Variants in JPH3 observed in about 807,000 individuals in gnomAD.
JPH3 encodes the protein junctophilin 3.
JPH3 carries 11 observed loss-of-function variants against 59.6 expected under a neutral mutation model. The observed-to-expected ratio is 0.18, with a 90% confidence interval of 0.12 to 0.31. The LOEUF (loss-of-function observed/expected upper bound fraction) is 0.31. Among genes scored for constraint, JPH3 ranks in the 10% least tolerant of loss-of-function variants. The pLI is 1.00. For missense variants in JPH3, 1,202 were observed against 1,105.7 expected, an observed-to-expected ratio of 1.09 and a Z score of -1.24; for synonymous variants, 673 against 483.6, an observed-to-expected ratio of 1.39 and a Z score of -5.14.
chr16:87,653,023 G>T (rs2032374840), intron 2 of JPH3, among the ~76,000 whole-genome samples: 1 of 152,158 alleles, frequency 6.6e-6, no homozygotes. Context: ...TTGGGGCCTG[G>T]TTGCTGAGGA....
chr16:87,696,453 C>T, intron 4 of JPH3, 127 bp from the exon 5 acceptor site: 1 of 758,478 alleles, frequency 1.3e-6, no homozygotes. Flanking sequence ...GCGTTTCTAA[C>T]ATCCTCCCGT....
At chr16:87,640,130 C>A (rs1325010224) in intron 1 of JPH3, among the ~76,000 whole-genome samples, 1 of 152,054 alleles carries the variant, frequency 6.6e-6, no homozygotes. Flanking sequence ...AGATTGAGAC[C>A]ATCCTGGCCA....
intron 1 of JPH3, among the ~76,000 whole-genome samples, chr16:87,623,846 A>G (rs1339838555): frequency 6.6e-6 from 1 of 152,230 alleles, no homozygotes; most frequent in African/African-American, 2.4e-5. Context: ...CCACATGCCC[A>G]GCTGTGGGGT....
chr16:87,659,377 AAAAAAAAAAG>A lies in JPH3; in HGVS notation c.1160+14352_1160+14361del, dbSNP rs1320650492. ...GGGTGACAGAGTAAGACTGTCTCAA[AAAAAAAAAAG>A]AAAAAAAAAAAGAAAACTACACACA... is the stretch of plus-strand genomic sequence containing the variant. On this transcript the variant is annotated intron_variant, in intron 2 of 4. Transcript: ENST00000284262. 1.8e-3 allele frequency among the ~76,000 whole-genome samples: 199 copies of A among 110,920 alleles called. 15 individuals are homozygous for A. The highest frequency in any genetic ancestry group is 6.1e-3 in the African/African-American group (194 of 31,962). 72.8% of individuals were successfully genotyped at this position (110,920 alleles called of 152,430 possible).
At chr16:87,659,608 C>T (rs1278158115) in intron 2 of JPH3, among the ~76,000 whole-genome samples, 1 of 151,870 alleles carries the variant, frequency 6.6e-6, no homozygotes, top group African/African-American at 2.4e-5. Flanking sequence ...TGACAGGTGC[C>T]TGTAATCCCA....
chr16:87,681,713 G>C (rs1465645996), intron 2 of JPH3, among the ~76,000 whole-genome samples: 2 of 152,182 alleles, frequency 1.3e-5, no homozygotes, highest in African/African-American at 4.8e-5. Context: ...TGTTCCGGAA[G>C]GTCAAGTGCA....
chr16:87,614,599 C>G (rs1304672243), intron 1 of JPH3, among the ~76,000 whole-genome samples: 1 of 151,398 alleles, frequency 6.6e-6, no homozygotes, highest in African/African-American at 2.4e-5. Context: ...CTGTTCCCTC[C>G]CAGGATAAAC....
rs139986514 is a variant in JPH3, at chr16:87,683,845, A to G, written c.1161-297A>G. The G allele has an allele frequency of 2.2e-3, 726 of 335,664 alleles. 4 individuals are homozygous for G. The highest frequency in any genetic ancestry group is 0.015 in the African/African-American group (682 of 46,926). The allele number at this position is 335,664 out of a possible 1,614,324, so 20.8% of individuals were successfully genotyped here. A position where few individuals can be genotyped will look rare whatever the true frequency, so the allele number is the denominator to read the frequency against. On this transcript the variant is annotated intron_variant, in intron 2 of 4. Transcript: ENST00000284262. ...GGTCGTGAACGCCTGAGCTCAAGCG[A>G]TCTTCCTGCCTTGGCCTCCCAAAGT... is the stretch of plus-strand genomic sequence containing the variant.
intron 1 of JPH3, among the ~76,000 whole-genome samples, chr16:87,614,784 G>A (rs1307858632): frequency 1.4e-5 from 2 of 143,384 alleles, no homozygotes; most frequent in East Asian, 2.1e-4. Flanking sequence ...ACGAGGAGCC[G>A]CGTGTCCTCT....
rs756677356 is a variant in JPH3 at position 87,644,785 on chromosome 16, C to A, written c.910C>A (p.Gln304Lys). 3.1e-6 allele frequency: 5 copies of A among 1,613,256 alleles called. No individual in the cohort carries two copies. The highest frequency in any genetic ancestry group is 4.2e-6 in the Non-Finnish European group (5 of 1,179,884). ...CAAACGCTCCGGCTTCGGCGTGAGC[C>A]AGCGCTCGGACGGGCTCAAGTACGA... ...NDKRSGFGVS[Q>K]RSDGLKYEGE... The change falls in exon 2 of 5, where the codon CAG becomes AAG. Residue 304 changes from glutamine (Q) to lysine (K), a missense_variant. Physicochemically the swap from Gln to Lys is moderately conservative, Grantham distance 53. Coordinates refer to ENST00000284262, the MANE Select transcript of JPH3 (RefSeq NM_020655.4).
At chr16:87,684,023 G>A (rs981333843) in intron 2 of JPH3, 119 bp from the exon 3 acceptor site, 2 of 663,096 alleles carry the variant, frequency 3.0e-6, no homozygotes, top group African/African-American at 3.6e-5. Context: ...GGTAAACATG[G>A]GGTGCCAGCA....
chr16:87,692,887 G>T (rs946136907), intron 4 of JPH3, among the ~76,000 whole-genome samples: 2 of 152,220 alleles, frequency 1.3e-5, no homozygotes, highest in Non-Finnish European at 2.9e-5. Flanking sequence ...TGTGGCAGAA[G>T]AGGTGCCACT....
chr16:87,675,371 C>G (rs1243387039), intron 2 of JPH3, among the ~76,000 whole-genome samples: 1 of 152,162 alleles, frequency 6.6e-6, no homozygotes, highest in African/African-American at 2.4e-5. Flanking sequence ...GTGACCCCGT[C>G]CAGACCAGCC....
At chr16:87,627,553 C>T (rs774645917) in intron 1 of JPH3, among the ~76,000 whole-genome samples, 2 of 152,224 alleles carry the variant, frequency 1.3e-5, no homozygotes, top group African/African-American at 4.8e-5. Context: ...CCTTGTTTTA[C>T]AGGCAGGGAC....
intron 2 of JPH3, among the ~76,000 whole-genome samples, chr16:87,661,509 C>G (rs1207432726): frequency 6.6e-6 from 1 of 152,196 alleles, no homozygotes. Flanking sequence ...CTTTGGGGGT[C>G]CAGGACTGGG....
At chr16:87,617,261 A>G (rs1418392259) in intron 1 of JPH3, among the ~76,000 whole-genome samples, 6 of 151,964 alleles carry the variant, frequency 3.9e-5, no homozygotes, top group South Asian at 2.1e-4. Flanking sequence ...ACCAAATAAA[A>G]TAGTCCTTTC....
At chr16:87,683,921 G>A (rs1461311356) in intron 2 of JPH3, 2 of 554,532 alleles carry the variant, frequency 3.6e-6, no homozygotes, top group Non-Finnish European at 6.5e-6. Context: ...GTGTTTTCAA[G>A]CATGTCCTGT....
chr16:87,663,470 G>T (rs1373375610), intron 2 of JPH3, among the ~76,000 whole-genome samples: 1 of 152,214 alleles, frequency 6.6e-6, no homozygotes, highest in Non-Finnish European at 1.5e-5. Flanking sequence ...TTGAAAATGA[G>T]AGTTGGTTCC....
chr16:87,607,171 A>G (rs537203756), intron 1 of JPH3, among the ~76,000 whole-genome samples: 1 of 152,324 alleles, frequency 6.6e-6, no homozygotes, highest in Non-Finnish European at 1.5e-5. Context: ...GCAAACCCAT[A>G]CACTGCCCAG....
Sources: allele counts gnomAD v4.1 joint callset (sites outside exome capture counted in the v4.1 genomes callset), GRCh38; gene constraint gnomAD v4.1.1; transcripts MANE v1.5; gene names NCBI Gene and HGNC (gene_info 2026-07-23, HGNC 2026-07-21).